The following PDE7A variants were observed in gnomAD, a reference collection of about 807,000 sequenced individuals.
PDE7A encodes the protein high affinity 3',5'-cyclic-AMP phosphodiesterase 7A.
In PDE7A, 39 loss-of-function variants were observed where a neutral mutation model predicts 64.3. That is an observed-to-expected ratio of 0.61 (90% CI 0.47 to 0.79). The LOEUF is 0.79. PDE7A is among the 30% of genes least tolerant of loss of function. The pLI, the probability that PDE7A is intolerant of heterozygous loss-of-function variation, is 0.00. For missense variants in PDE7A, 470 were observed against 582.8 expected (o/e 0.81, Z 1.99); for synonymous variants, 203 against 206.8 (o/e 0.98, Z 0.16).
chr8:65,805,061 T>C (rs927083775), intron 1 of PDE7A, among the ~76,000 whole-genome samples: 4 of 151,560 alleles, frequency 2.6e-5, no homozygotes, highest in African/African-American at 9.7e-5. Flanking sequence ...CCAGGCTGAT[T>C]TGGAACTCCT....
At position 65,714,673 on chromosome 8, in the gene PDE7A, C is replaced by T. The variant is rs149080650; in HGVS notation, c.*4617G>A. ...GTGTATTTTCTCAATCAGGAGATAC[C>T]GATTGAGGGGATTTTAAACAACATT... On this transcript the variant is annotated 3_prime_UTR_variant, in exon 13 of 13. Transcript: ENST00000401827. The T allele has an allele frequency of 9.9e-5, 15 of 152,080 alleles. No homozygotes were observed. Among genetic ancestry groups the T allele is most frequent in the African/African-American group, 3.6e-4 (15 of 41,480 alleles). 9.4% of individuals were successfully genotyped at this position (152,080 alleles called of 1,614,324 possible).
chr8:65,751,476 T>G (rs1807951445), intron 3 of PDE7A, among the ~76,000 whole-genome samples: 1 of 144,722 alleles, frequency 6.9e-6, no homozygotes, highest in African/African-American at 2.5e-5. Context: ...CTTCCTGAGG[T>G]TTTTTTTTTT....
chr8:65,800,682 C>A (rs1366977543), intron 1 of PDE7A, among the ~76,000 whole-genome samples: 1 of 152,180 alleles, frequency 6.6e-6, no homozygotes, highest in Non-Finnish European at 1.5e-5. Context: ...CACACACATA[C>A]ATACCAGTAA....
intron 1 of PDE7A, among the ~76,000 whole-genome samples, chr8:65,833,691 C>G (rs7463008): frequency 0.012 from 1,821 of 152,232 alleles, 18 homozygotes; most frequent in Middle Eastern, 0.027. Context: ...GGGCCAGGCA[C>G]GGTGGCTCAT....
intron 6 of PDE7A, among the ~76,000 whole-genome samples, chr8:65,735,552 C>T (rs1807094568): frequency 6.6e-6 from 1 of 152,188 alleles, no homozygotes; most frequent in Non-Finnish European, 1.5e-5. Context: ...CTCAAGGAGT[C>T]CACCTGCCTT....
chr8:65,724,152 A>C (rs1305133679), intron 11 of PDE7A, 103 bp downstream of exon 11: 1 of 660,522 alleles, frequency 1.5e-6, no homozygotes. Flanking sequence ...AAATGTCAAG[A>C]CTCTACTGCT....
At chr8:65,820,582 G>C (rs1366584959) in intron 1 of PDE7A, among the ~76,000 whole-genome samples, 1 of 152,130 alleles carries the variant, frequency 6.6e-6, no homozygotes, top group Non-Finnish European at 1.5e-5. Context: ...AATTTTAAGA[G>C]TTGAAATTGT....
chr8:65,834,954 CTACCTGAATGCAAATA>C (rs547669312), intron 1 of PDE7A, among the ~76,000 whole-genome samples: 1 of 152,168 alleles, frequency 6.6e-6, no homozygotes, highest in Non-Finnish European at 1.5e-5. Context: ...CCTATGAACA[CTACCTGAATGCAAATA>C]TACCTGAATG....
chr8:65,765,285 C>A (rs542121945), intron 3 of PDE7A, among the ~76,000 whole-genome samples: 1 of 151,268 alleles, frequency 6.6e-6, no homozygotes, highest in Admixed American at 6.6e-5. Flanking sequence ...GTCAGGAGAT[C>A]GAGACCATCC....
intron 4 of PDE7A, among the ~76,000 whole-genome samples, chr8:65,747,438 T>C (rs907267974): frequency 2.6e-5 from 4 of 152,170 alleles, no homozygotes; most frequent in Non-Finnish European, 5.9e-5. Context: ...AATGAAAACA[T>C]TGTCACTACT....
At chr8:65,731,584 T>C (rs1806889731) in intron 7 of PDE7A, 1 of 152,204 alleles carries the variant, frequency 6.6e-6, no homozygotes, top group Non-Finnish European at 1.5e-5. Context: ...TCAAGGAGAC[T>C]TTGGGCTCAA....
At chr8:65,828,314 A>G (rs1810729953) in intron 1 of PDE7A, among the ~76,000 whole-genome samples, 1 of 152,176 alleles carries the variant, frequency 6.6e-6, no homozygotes, top group African/African-American at 2.4e-5. Context: ...ATACAGATGT[A>G]GAAAGCAGCA....
chr8:65,841,202 G>C (rs566662406), intron 1 of PDE7A, among the ~76,000 whole-genome samples, 169 bp downstream of exon 1: 1 of 152,176 alleles, frequency 6.6e-6, no homozygotes, highest in Non-Finnish European at 1.5e-5. Flanking sequence ...ACTGAGGGGG[G>C]ACAGCCAGGA....
chr8:65,809,492 A>G (rs919505247), intron 1 of PDE7A, among the ~76,000 whole-genome samples: 7 of 152,238 alleles, frequency 4.6e-5, no homozygotes, highest in Admixed American at 1.3e-4. Flanking sequence ...ACACTAGAAA[A>G]GCCAAGAAAG....
chr8:65,824,739 A>C (rs1224656758), intron 1 of PDE7A, among the ~76,000 whole-genome samples: 3 of 152,210 alleles, frequency 2.0e-5, no homozygotes. Context: ...TTTAAATTAA[A>C]GTGTGTACAT....
In PDE7A at chr8:65,715,792, T is replaced by C. The variant is rs1806109817; in HGVS notation, c.*3498A>G. On this transcript the variant is annotated 3_prime_UTR_variant, in exon 13 of 13. Coordinates refer to ENST00000401827, the MANE Select transcript of PDE7A (RefSeq NM_001242318.3). ...CGAGGTCAGGAGATTGAGACCATCC[T>C]GGCTAACATGGTGAAACCCTAACTC... Among the ~76,000 whole-genome samples the C allele has an allele frequency of 1.3e-5, 2 of 149,128 alleles. No homozygotes were observed. Among genetic ancestry groups the C allele is most frequent in the South Asian group, 4.3e-4 (2 of 4,662 alleles).
chr8:65,735,497 G>A (rs1807092683), intron 6 of PDE7A, among the ~76,000 whole-genome samples: 2 of 152,054 alleles, frequency 1.3e-5, no homozygotes, highest in Non-Finnish European at 2.9e-5. Flanking sequence ...TTTTTATAAA[G>A]ACAGGATCTT....
intron 7 of PDE7A, among the ~76,000 whole-genome samples, chr8:65,734,265 T>C (rs1414796454): frequency 6.6e-6 from 1 of 152,142 alleles, no homozygotes; most frequent in Non-Finnish European, 1.5e-5. Context: ...CGAAATGCAT[T>C]CACCACCACA....
intron 1 of PDE7A, among the ~76,000 whole-genome samples, chr8:65,825,183 TATGG>T (rs1180277035): frequency 6.6e-6 from 1 of 152,196 alleles, no homozygotes; most frequent in Non-Finnish European, 1.5e-5. Context: ...GTGGAAGAAC[TATGG>T]ATGGTCTTTA....
Sources: allele counts gnomAD v4.1 joint callset (sites outside exome capture counted in the v4.1 genomes callset), GRCh38; gene constraint gnomAD v4.1.1; transcripts MANE v1.5; gene names NCBI Gene and HGNC (gene_info 2026-07-23, HGNC 2026-07-21).